The following DCAF8 variants were observed in gnomAD, a reference collection of about 807,000 sequenced individuals.
The protein encoded by DCAF8 is DDB1 and CUL4 associated factor 8.
Under a neutral mutation model 68.0 loss-of-function variants are expected in DCAF8, and 20 were observed. The ratio of observed to expected loss-of-function variants is 0.29; its 90% confidence interval spans 0.21 to 0.43. The LOEUF (loss-of-function observed/expected upper bound fraction) is 0.43, where lower values mean the gene tolerates loss of function less well. Ranked by LOEUF, DCAF8 falls within the 20% of genes least tolerant of loss-of-function variation. The probability of loss-of-function intolerance (pLI) is 1.00; values close to 1 mark genes in which losing one functional copy is unlikely to be tolerated. For missense variants in DCAF8, 460 were observed against 771.0 expected (o/e 0.60, Z 4.78); for synonymous variants, 230 against 276.9 (o/e 0.83, Z 1.68).
chr1:160,259,907 C>T (rs1344216045), intron 2 of DCAF8, among the ~76,000 whole-genome samples: 1 of 151,986 alleles, frequency 6.6e-6, no homozygotes, highest in African/African-American at 2.4e-5. Context: ...GGTTATGAAC[C>T]CCCACCAAGG....
chr1:160,231,452 C>T, intron 6 of DCAF8, 45 bp from the exon 7 acceptor site: 1 of 1,453,654 alleles, frequency 6.9e-7, no homozygotes, highest in Middle Eastern at 1.7e-4. Flanking sequence ...TCCAAAAGAT[C>T]CAAATGGTCA....
At chr1:160,231,847 TAGGCTAAAAAAGACCTTA>T (rs1400337254) in intron 6 of DCAF8, among the ~76,000 whole-genome samples, 2 of 152,116 alleles carry the variant, frequency 1.3e-5, no homozygotes, top group Admixed American at 6.6e-5. Context: ...CCAGAAACAG[TAGGCTAAAAAAGACCTTA>T]AGGTCAGAGA....
intron 3 of DCAF8, among the ~76,000 whole-genome samples, chr1:160,241,969 G>C (rs1045222895): frequency 6.6e-6 from 1 of 152,150 alleles, no homozygotes; most frequent in Admixed American, 6.6e-5. Flanking sequence ...CAGGCTGGGC[G>C]CGGTGGCTAA....
At chr1:160,249,977 G>A (rs1364954064) in intron 2 of DCAF8, among the ~76,000 whole-genome samples, 1 of 152,144 alleles carries the variant, frequency 6.6e-6, no homozygotes, top group African/African-American at 2.4e-5. Flanking sequence ...GGATTGCCAG[G>A]GCTTGGAGGT....
rs566175266 is a variant in DCAF8 at position 160,217,361 on chromosome 1, C to T, written c.*231G>A. 14 of 407,626 alleles carry T rather than the reference C, an allele frequency of 3.4e-5. No homozygotes were observed. In the South Asian group the frequency reaches 8.8e-4, roughly 26 times the overall value. The allele number at this position is 407,626 out of a possible 1,614,324, so 25.3% of individuals were successfully genotyped here. A position where few individuals can be genotyped will look rare whatever the true frequency, so the allele number is the denominator to read the frequency against. On this transcript the variant is annotated 3_prime_UTR_variant, in exon 14 of 14. Transcript: ENST00000368074. ...GGCTTTGGGGAGAGGCCATTTCTGC[C>T]GAGTCCTATGCACCTCTCCATAGAG...
chr1:160,250,905 T>C (rs772838006), intron 2 of DCAF8, among the ~76,000 whole-genome samples: 1 of 152,202 alleles, frequency 6.6e-6, no homozygotes, highest in African/African-American at 2.4e-5. Context: ...CTAGGGTCTA[T>C]GAACACTGGT....
rs769981566 is a variant in DCAF8 at position 160,222,744 on chromosome 1, A to G, written c.1347T>C (p.Phe449=). ...GCCCACAGTCACTACCGCTCACCACAAACTCACTCTTGGGGCCATAGAAAT... is the reference window on the plus strand; with the variant it reads ...GCCCACAGTCACTACCGCTCACCACGAACTCACTCTTGGGGCCATAGAAAT... ...GVNFYGPKSE[F]VVSGSDCGHI... is the part of the protein sequence containing the mutation. Residue 449 remains phenylalanine, a synonymous_variant, in exon 11 of 14, where the codon TTT becomes TTC. Transcript: ENST00000368074. 2 of 1,614,190 alleles carry G rather than the reference A, an allele frequency of 1.2e-6. No individual in the cohort carries two copies. The highest frequency in any genetic ancestry group is 1.7e-5 in the Admixed American group (1 of 60,030).
intron 11 of DCAF8, among the ~76,000 whole-genome samples, chr1:160,221,870 C>G (rs1353198076): frequency 2.0e-5 from 3 of 149,380 alleles, no homozygotes; most frequent in African/African-American, 7.4e-5. Context: ...ATCTTAAGAG[C>G]TGATTGCTCT....
In DCAF8 at chr1:160,225,232, AAGAC is replaced by A. The variant is rs763926812; in HGVS notation, c.1144-117_1144-114del. On this transcript the variant is annotated intron_variant, in intron 8 of 13. Coordinates refer to ENST00000368074, the MANE Select transcript of DCAF8 (RefSeq NM_015726.4). ...TATATCTTCTCCCAGAGATTTGAGA[AAGAC>A]AGACAGAGACAAGAGTACAACTGAT... 1.4e-4 allele frequency: 145 copies of A among 1,012,100 alleles called. 1 individual carries two copies. The highest frequency in any genetic ancestry group is 6.3e-4 in the Middle Eastern group (3 of 4,768). 62.7% of individuals were successfully genotyped at this position (1,012,100 alleles called of 1,614,324 possible). A position where few individuals can be genotyped will look rare whatever the true frequency, so the allele number is the denominator to read the frequency against.
At chr1:160,233,617 C>T (rs1225137089) in intron 6 of DCAF8, among the ~76,000 whole-genome samples, 2 of 152,130 alleles carry the variant, frequency 1.3e-5, no homozygotes, top group Non-Finnish European at 2.9e-5. Flanking sequence ...TCCCACAGGA[C>T]CATCTCATTT....
At chr1:160,233,712 T>C (rs987411351) in intron 6 of DCAF8, among the ~76,000 whole-genome samples, 1 of 152,148 alleles carries the variant, frequency 6.6e-6, no homozygotes, top group African/African-American at 2.4e-5. Flanking sequence ...AACTAAGGAA[T>C]AGATTATGAA....
intron 2 of DCAF8, among the ~76,000 whole-genome samples, chr1:160,256,800 T>C (rs1374156934): frequency 6.6e-6 from 1 of 152,194 alleles, no homozygotes; most frequent in Non-Finnish European, 1.5e-5. Context: ...CAAGGCAGCC[T>C]CCGTTCATTA....
intron 6 of DCAF8, among the ~76,000 whole-genome samples, chr1:160,235,418 C>T (rs1655834896): frequency 6.6e-6 from 1 of 151,866 alleles, no homozygotes; most frequent in Non-Finnish European, 1.5e-5. Flanking sequence ...TGCACCTGAC[C>T]AAGATTTGTT....
intron 2 of DCAF8, among the ~76,000 whole-genome samples, chr1:160,260,745 C>T (rs1457698473): frequency 6.6e-6 from 1 of 150,894 alleles, no homozygotes; most frequent in Non-Finnish European, 1.5e-5. Flanking sequence ...AAAAATTTCC[C>T]ACTATATCCT....
intron 3 of DCAF8, 62 bp from the exon 4 acceptor site, chr1:160,240,432 C>A (rs1656066550): frequency 1.4e-6 from 2 of 1,462,652 alleles, no homozygotes; most frequent in Non-Finnish European, 1.8e-6. Context: ...ATAGTGACCA[C>A]CTTAGTCTAA....
Position 160,225,615 on chromosome 1 carries a change from G to C in DCAF8, c.1119C>G (p.Leu373=), listed in dbSNP as rs780045484. 2 of 1,613,528 alleles carry C rather than the reference G, an allele frequency of 1.2e-6. No individual in the cohort carries two copies. The highest frequency in any genetic ancestry group is 3.3e-5 in the Admixed American group (2 of 59,984). ...CCAGGTGATGAGGACAGAACTTCTT[G>C]AGTACTCCATTGTTCTCATTCTCAT... ...KIDENENNGV[L]KKFCPHHLVN... is the part of the protein sequence containing the mutation. The change falls in exon 8 of 14, where the codon CTC becomes CTG. Residue 373 remains leucine (L), a synonymous_variant. Transcript: ENST00000368074.
intron 7 of DCAF8, among the ~76,000 whole-genome samples, chr1:160,229,793 G>A (rs148463630): frequency 3.4e-3 from 521 of 152,272 alleles, no homozygotes; most frequent in African/African-American, 0.012. Flanking sequence ...AGGCCAAGGC[G>A]GGCAGATCAC....
chr1:160,217,656 G>A lies in DCAF8; in HGVS notation c.1730C>T (p.Pro577Leu), dbSNP rs1571075924. ...CTCGTCCGATGTGTCTGAGGAGCTGGGAGACTCATCAGAGTCCGCGTCTGT... is the reference window on the plus strand; with the variant it reads ...CTCGTCCGATGTGTCTGAGGAGCTGAGAGACTCATCAGAGTCCGCGTCTGT... ...GATDADSDES[P>L]SSSDTSDEEE... Residue 577 changes from proline (P) to leucine (L), a missense_variant, in exon 14 of 14, where the codon CCC becomes CTC. By Grantham distance (98) the Pro-to-Leu change is moderately conservative. Transcript: ENST00000368074. 1 of 1,614,128 alleles carries A rather than the reference G, an allele frequency of 6.2e-7. No homozygotes were observed. Among genetic ancestry groups the A allele is most frequent in the East Asian group, 2.2e-5 (1 of 44,888 alleles).
At chr1:160,222,810 C>T in intron 10 of DCAF8, 29 bp from the exon 11 acceptor site, 4 of 1,613,986 alleles carry the variant, frequency 2.5e-6, no homozygotes, top group Non-Finnish European at 3.4e-6. Flanking sequence ...GAAGAAACCA[C>T]ATGAGGGTTG....
Sources: gnomAD v4.1 joint callset for allele counts (sites outside exome capture counted in the v4.1 genomes callset) on GRCh38, gnomAD v4.1.1 for gene constraint, MANE v1.5 for transcripts, NCBI Gene and HGNC (gene_info 2026-07-23, HGNC 2026-07-21) for gene names.